RYR1: variants seen among roughly 807,000 people sequenced by gnomAD.
The protein encoded by RYR1 is ryanodine receptor 1.
RYR1 carries 342 observed loss-of-function variants against 583.5 expected under a neutral mutation model. The ratio of observed to expected loss-of-function variants is 0.59; its 90% CI spans 0.54 to 0.64. The LOEUF (loss-of-function observed/expected upper bound fraction) is 0.64, where lower values mean the gene tolerates loss of function less well. Ranked by LOEUF, RYR1 falls within the 30% of genes least tolerant of loss-of-function variation. The pLI is 0.00. For synonymous variants in RYR1, 2,791 were observed against 2,822.5 expected, an observed-to-expected ratio of 0.99 and a Z score of 0.35; for missense variants, 6,032 against 6,917.2, an observed-to-expected ratio of 0.87 and a Z score of 4.54.
At chr19:38,516,331 G>T (rs1280815587) in intron 65 of RYR1, 114 bp downstream of exon 65, 1 of 1,316,196 alleles carries the variant, frequency 7.6e-7, no homozygotes. Flanking sequence ...AGCGGCTGAG[G>T]ATTCCCCAGG....
intron 64 of RYR1, 24 bp downstream of exon 64, chr19:38,515,131 G>A: frequency 1.4e-6 from 2 of 1,477,126 alleles, no homozygotes; most frequent in Non-Finnish European, 1.9e-6. Flanking sequence ...GCCATCGTTT[G>A]GGGCTGGGTG....
intron 72 of RYR1, 110 bp from the exon 73 acceptor site, chr19:38,527,537 G>C: frequency 7.3e-7 from 1 of 1,368,978 alleles, no homozygotes; most frequent in South Asian, 1.2e-5. Context: ...AAGAAGAAAG[G>C]CCTCAACATG....
chr19:38,523,433 C>A (rs1459784187), intron 69 of RYR1, 124 bp downstream of exon 69: 1 of 1,080,896 alleles, frequency 9.3e-7, no homozygotes, highest in Non-Finnish European at 1.4e-6. Flanking sequence ...GTCCTCAGAG[C>A]AGCCCCTCTT....
intron 60 of RYR1, among the ~76,000 whole-genome samples, 158 bp downstream of exon 60, chr19:38,510,939 A>G (rs1970699145): frequency 6.6e-6 from 1 of 152,150 alleles, no homozygotes; most frequent in Admixed American, 6.5e-5. Flanking sequence ...CCCGGGACTG[A>G]AGGGTTTCCC....
intron 84 of RYR1, chr19:38,538,410 C>A: frequency 5.8e-6 from 1 of 173,718 alleles, no homozygotes; most frequent in Non-Finnish European, 1.2e-5. Context: ...AAAAAAAAAC[C>A]TCGCTGGAAT....
intron 47 of RYR1, 37 bp from the exon 48 acceptor site, chr19:38,502,470 T>C: frequency 6.4e-7 from 1 of 1,568,036 alleles, no homozygotes; most frequent in Admixed American, 1.7e-5. Flanking sequence ...GCCCCAGGGG[T>C]GTGCAGCGGG....
At chr19:38,468,836 T>G (rs1968262121) in intron 25 of RYR1, 130 bp from the exon 26 acceptor site, 4 of 945,754 alleles carry the variant, frequency 4.2e-6, no homozygotes, top group Non-Finnish European at 6.6e-6. Context: ...GTGACCCCTC[T>G]TCCATACCAC....
At chr19:38,487,632 G>A (rs982362032) in intron 34 of RYR1, among the ~76,000 whole-genome samples, 1 of 150,368 alleles carries the variant, frequency 6.7e-6, no homozygotes, top group South Asian at 2.1e-4. Context: ...AACTATAGGC[G>A]TGAGCCACCG....
At chr19:38,498,694 T>C (rs1969957359) in intron 42 of RYR1, among the ~76,000 whole-genome samples, 1 of 152,200 alleles carries the variant, frequency 6.6e-6, no homozygotes. Context: ...CTTTCTGATA[T>C]TGCCATGACA....
At chr19:38,447,887 C>A (rs1287332869) in intron 9 of RYR1, among the ~76,000 whole-genome samples, 3 of 149,816 alleles carry the variant, frequency 2.0e-5, no homozygotes, top group African/African-American at 7.4e-5. Context: ...AAAATGAAGT[C>A]TCTCTGGAGT....
intron 93 of RYR1, among the ~76,000 whole-genome samples, chr19:38,570,044 A>AC (rs1315456477): frequency 2.1e-4 from 32 of 152,106 alleles, no homozygotes; most frequent in Non-Finnish European, 1.5e-4. Context: ...CATACCTGTA[A>AC]TCCCAGCTAC....
At chr19:38,493,068 CA>C (rs376278381) in intron 38 of RYR1, among the ~76,000 whole-genome samples, 1,646 of 140,974 alleles carry the variant, frequency 0.012, 34 homozygotes, top group African/African-American at 0.041. Context: ...GACTCTGTCT[CA>C]AAAAAAAAAC....
rs1403441911 is a variant in RYR1 at position 38,475,368 on chromosome 19, C to G, written c.4211C>G (p.Thr1404Ser). The G allele has an allele frequency of 6.2e-7, 1 of 1,612,740 alleles. No homozygotes were observed. Among genetic ancestry groups the G allele is most frequent in the Admixed American group, 1.7e-5 (1 of 59,802 alleles). ...GCCATGATGACCCAGCCACCGGCCA[C>G]CCCCACGCTGCCCCGACTCCCTCAC... ...KVAMMTQPPATPTLPRLPHDV... is the reference protein window; with the variant it reads ...KVAMMTQPPASPTLPRLPHDV... The change falls in exon 29 of 106, where the codon ACC becomes AGC. Residue 1404 changes from threonine (T) to serine (S), a missense_variant. By Grantham distance (58) the Thr-to-Ser change is moderately conservative. Coordinates refer to ENST00000359596, the MANE Select transcript of RYR1 (RefSeq NM_000540.3).
intron 34 of RYR1, among the ~76,000 whole-genome samples, chr19:38,487,775 A>G (rs1969364913): frequency 1.3e-5 from 2 of 152,174 alleles, no homozygotes; most frequent in Admixed American, 1.3e-4. Flanking sequence ...CTGGGACTAC[A>G]GGTGTGCACT....
chr19:38,488,859 G>A (rs372509034), intron 34 of RYR1, among the ~76,000 whole-genome samples: 40 of 152,330 alleles, frequency 2.6e-4, no homozygotes, highest in African/African-American at 5.3e-4. Context: ...CTATGCAGGC[G>A]TAGGGTGTGT....
intron 31 of RYR1, among the ~76,000 whole-genome samples, chr19:38,482,036 C>A (rs1230703544): frequency 6.6e-6 from 1 of 151,618 alleles, no homozygotes; most frequent in Non-Finnish European, 1.5e-5. Flanking sequence ...TGCAGTGAGC[C>A]GAGATGATGC....
chr19:38,467,527 A>G (rs1338163467), intron 24 of RYR1, 83 bp from the exon 25 acceptor site: 2 of 1,447,296 alleles, frequency 1.4e-6, no homozygotes, highest in East Asian at 2.3e-5. Context: ...CTGTCCCCCA[A>G]AGCCTGTCTT....
chr19:38,473,246 G>C, intron 27 of RYR1, 131 bp from the exon 28 acceptor site: 1 of 1,161,860 alleles, frequency 8.6e-7, no homozygotes. Context: ...TGCAGGAGTG[G>C]GGGGCCCTTG....
At chr19:38,537,769 A>AC in intron 83 of RYR1, 111 bp from the exon 84 acceptor site, 1 of 1,017,868 alleles carries the variant, frequency 9.8e-7, no homozygotes, top group Non-Finnish European at 1.6e-6. Flanking sequence ...TCCTCCCAGC[A>AC]CCCCCATGCT....
Sources: gnomAD v4.1 joint callset for allele counts (sites outside exome capture counted in the v4.1 genomes callset) on GRCh38, gnomAD v4.1.1 for gene constraint, MANE v1.5 for transcripts, NCBI Gene and HGNC (gene_info 2026-07-23, HGNC 2026-07-21) for gene names.